UMOD: variants seen among roughly 807,000 people sequenced by gnomAD.
UMOD encodes the protein Tamm-Horsfall urinary glycoprotein.
UMOD carries 64 observed loss-of-function variants against 66.0 expected under a neutral mutation model. The ratio of observed to expected loss-of-function variants is 0.97; its 90% CI spans 0.79 to 1.19. The LOEUF (loss-of-function observed/expected upper bound fraction) is 1.19, where lower values mean the gene tolerates loss of function less well. UMOD is among the 50% of genes most tolerant of loss of function. The pLI, the probability that UMOD is intolerant of heterozygous loss-of-function variation, is 0.00. For missense variants in UMOD, 764 were observed against 850.9 expected, an observed-to-expected ratio of 0.90 and a Z score of 1.27; for synonymous variants, 398 against 352.7, an observed-to-expected ratio of 1.13 and a Z score of -1.44.
intron 7 of UMOD, among the ~76,000 whole-genome samples, chr16:20,338,959 C>T (rs1965035000): frequency 6.6e-6 from 1 of 152,174 alleles, no homozygotes; most frequent in African/African-American, 2.4e-5. Flanking sequence ...ATGGGCTTTG[C>T]TGTATTGGCC....
At chr16:20,344,202 GT>G in intron 5 of UMOD, 30 bp from the exon 6 acceptor site, 6 of 1,427,368 alleles carry the variant, frequency 4.2e-6, no homozygotes, top group Non-Finnish European at 5.9e-6. Flanking sequence ...TGGAGGGGGG[GT>G]GGGGATGAGA....
Position 20,352,705 on chromosome 16 carries a change from A to G in UMOD, c.-119T>C, listed in dbSNP as rs537759958. 3.2e-5 allele frequency: 39 copies of G among 1,231,672 alleles called. No individual in the cohort carries two copies. In the East Asian group the frequency reaches 1.1e-3, roughly 35 times the overall value. The allele number at this position is 1,231,672 out of a possible 1,614,324, so 76.3% of individuals were successfully genotyped here. On this transcript the variant is annotated 5_prime_UTR_variant, in exon 1 of 11. Coordinates refer to ENST00000396138, the MANE Select transcript of UMOD (RefSeq NM_003361.4). Reference sequence around the variant, plus strand: ...TAGCCTTACCTGAAGCCAGAAAGGTAGAGTTAGTCTGGTCATGATGTGCCT... The same window carrying G: ...TAGCCTTACCTGAAGCCAGAAAGGTGGAGTTAGTCTGGTCATGATGTGCCT...
Position 20,349,159 on chromosome 16 carries a change from T to C in UMOD, c.142A>G (p.Thr48Ala). 1 of 1,614,086 alleles carries C rather than the reference T, an allele frequency of 6.2e-7. No individual in the cohort carries two copies. Among genetic ancestry groups the C allele is most frequent in the Non-Finnish European group, 8.5e-7 (1 of 1,180,030 alleles). ...AAGCCCTCCTGACAGGTGCACGTCG[T>C]AACGGCCTCATCCTCCGTGCAGGTG... ...NATCTEDEAV[T>A]TCTCQEGFTG... is the part of the protein sequence containing the mutation. Residue 48 changes from threonine (T) to alanine (A), a missense_variant, in exon 3 of 11, where the codon ACG (threonine) becomes GCG (alanine). Transcript: ENST00000396138.
upstream of UMOD, among the ~76,000 whole-genome samples, chr16:20,355,198 G>A (rs2141691880): frequency 6.6e-6 from 1 of 152,188 alleles, no homozygotes; most frequent in East Asian, 1.9e-4. Flanking sequence ...CTTGGGATCT[G>A]TGAGTATAAC....
intron 9 of UMOD, 150 bp downstream of exon 9, chr16:20,336,496 C>T: frequency 1.4e-6 from 1 of 708,920 alleles, no homozygotes. Flanking sequence ...GAAAGGAAGG[C>T]AGTCTGTATT....
At chr16:20,338,393 G>A (rs1311998185) in intron 7 of UMOD, among the ~76,000 whole-genome samples, 1 of 152,130 alleles carries the variant, frequency 6.6e-6, no homozygotes, top group Non-Finnish European at 1.5e-5. Context: ...TCTCACCCCA[G>A]CTCCCACACT....
intron 7 of UMOD, among the ~76,000 whole-genome samples, chr16:20,340,234 T>C (rs1226569207): frequency 6.6e-6 from 1 of 152,080 alleles, no homozygotes; most frequent in African/African-American, 2.4e-5. Flanking sequence ...TAGCTGTGTA[T>C]GGTGGTGTGT....
chr16:20,348,976 C>T lies in UMOD; in HGVS notation c.325G>A (p.Val109Met), dbSNP rs751919061. The T allele has an allele frequency of 3.2e-6, 5 of 1,574,080 alleles. No individual in the cohort carries two copies. The highest frequency in any genetic ancestry group is 3.7e-5 in the Admixed American group (2 of 54,152). Residue 109 changes from valine to methionine, a missense_variant, in exon 3 of 11, where the codon GTG becomes ATG. Coordinates refer to ENST00000396138, the MANE Select transcript of UMOD (RefSeq NM_003361.4). ...RLSPGLGCTD[V>M]DECAEPGLSH... ...AGCCCAGGCTCAGCGCACTCATCCA[C>T]GTCTGTGCAGCCGAGACCGGGCGAC...
intron 9 of UMOD, among the ~76,000 whole-genome samples, chr16:20,335,898 C>T (rs1417626771): frequency 6.6e-6 from 1 of 152,206 alleles, no homozygotes; most frequent in Non-Finnish European, 1.5e-5. Flanking sequence ...CCAACCTAGC[C>T]AACCCCATCT....
At chr16:20,350,284 A>G (rs1485520482) in intron 2 of UMOD, among the ~76,000 whole-genome samples, 1 of 152,184 alleles carries the variant, frequency 6.6e-6, no homozygotes, top group Non-Finnish European at 1.5e-5. Flanking sequence ...CAAATCTCCT[A>G]TGTGATAGAG....
chr16:20,333,228 G>T lies in UMOD; in HGVS notation c.*86C>A. The T allele has an allele frequency of 7.3e-7, 1 of 1,365,690 alleles. No individual in the cohort carries two copies. The highest frequency in any genetic ancestry group is 1.0e-6 in the Non-Finnish European group (1 of 970,552). The allele number at this position is 1,365,690 out of a possible 1,614,324, so 84.6% of individuals were successfully genotyped here. A position where few individuals can be genotyped will look rare whatever the true frequency, so the allele number is the denominator to read the frequency against. ...GAACAAAGCATGAACTTTCTTTTCT[G>T]TGGCTGGAGCACTGGCCCGCATCAT... On this transcript the variant is annotated 3_prime_UTR_variant, in exon 11 of 11. Transcript: ENST00000396138.
Position 20,347,972 on chromosome 16 carries a change from A to G in UMOD, c.973+251T>C, listed in dbSNP as rs77171110. Among the ~76,000 whole-genome samples the G allele has an allele frequency of 2.2e-3, 341 of 152,294 alleles. 9 individuals carry two copies. The East Asian group carries it at 0.055, about 25-fold the overall frequency. The stretch of plus-strand genomic sequence containing the variant: ...TGCCCACTGTGGTGTGGGCCTCAGA[A>G]AGAAGGCTGGGTGCGAGGAGGTCCC... On this transcript the variant is annotated intron_variant, in intron 4 of 10. Transcript: ENST00000396138.
At chr16:20,338,111 G>A (rs1179358200) in intron 7 of UMOD, among the ~76,000 whole-genome samples, 1 of 152,116 alleles carries the variant, frequency 6.6e-6, no homozygotes, top group Non-Finnish European at 1.5e-5. Context: ...AAACTGAGAC[G>A]GGAGCTTCTG....
chr16:20,347,719 G>A (rs1451415837), intron 4 of UMOD, among the ~76,000 whole-genome samples: 1 of 152,190 alleles, frequency 6.6e-6, no homozygotes, highest in African/African-American at 2.4e-5. Context: ...TTGGCACTTG[G>A]ATGTAACTAA....
At chr16:20,347,920 T>C (rs1027024085) in intron 4 of UMOD, among the ~76,000 whole-genome samples, 4 of 152,132 alleles carry the variant, frequency 2.6e-5, no homozygotes, top group Non-Finnish European at 5.9e-5. Flanking sequence ...CAGATGGTCT[T>C]TGGCTCCCAG....
rs183102463 is a variant in UMOD, at chr16:20,349,327, G to T, written c.89-115C>A. Reference sequence around the variant, plus strand: ...ATTTTTAAGACTTATTCCCTAGAGGGCTCCCTCCAAAACAAGGAAAGAAGC... The same window carrying T: ...ATTTTTAAGACTTATTCCCTAGAGGTCTCCCTCCAAAACAAGGAAAGAAGC... On this transcript the variant is annotated intron_variant, in intron 2 of 10. Coordinates refer to ENST00000396138, the MANE Select transcript of UMOD (RefSeq NM_003361.4). 153 of 1,190,082 alleles carry T rather than the reference G, an allele frequency of 1.3e-4. No individual in the cohort carries two copies. The African/African-American group carries it at 2.2e-3, about 17-fold the overall frequency. The allele number at this position is 1,190,082 out of a possible 1,614,324, so 73.7% of individuals were successfully genotyped here.
At chr16:20,356,125 C>T (rs1035116971), upstream of UMOD, 2 of 152,144 alleles carry the variant, frequency 1.3e-5, no homozygotes, top group Admixed American at 1.3e-4. Flanking sequence ...TGGTGTGTGT[C>T]AGAAAGCGGC....
intron 7 of UMOD, among the ~76,000 whole-genome samples, chr16:20,337,869 C>T (rs1257732291): frequency 1.3e-5 from 2 of 152,078 alleles, no homozygotes; most frequent in South Asian, 2.1e-4. Context: ...CTCTGGGTAC[C>T]GAGAGCCACT....
In UMOD at chr16:20,339,859, CCAAAATATCTTTT is replaced by C. The variant is rs1965089854; in HGVS notation, c.1577+1219_1577+1231del. Among the ~76,000 whole-genome samples the C allele has an allele frequency of 2.6e-5, 4 of 152,308 alleles. No individual in the cohort carries two copies. In the South Asian group the frequency reaches 8.3e-4, roughly 32 times the overall value. On this transcript the variant is annotated intron_variant, in intron 7 of 10. Coordinates refer to ENST00000396138, the MANE Select transcript of UMOD (RefSeq NM_003361.4). ...ACAGAGCCCGACACACAGCAAGCTTCCAAAATATCTTTTCAACTTATGAACGAGAAAGTGAATC... is the reference window on the plus strand; with the variant it reads ...ACAGAGCCCGACACACAGCAAGCTTCCAACTTATGAACGAGAAAGTGAATC...
Sources: allele counts gnomAD v4.1 joint callset (sites outside exome capture counted in the v4.1 genomes callset), GRCh38; gene constraint gnomAD v4.1.1; transcripts MANE v1.5; gene names NCBI Gene and HGNC (gene_info 2026-07-23, HGNC 2026-07-21).